Variants in HMGN3 observed in about 807,000 individuals in gnomAD.
HMGN3 encodes high mobility group nucleosomal binding domain 3.
HMGN3 carries 6 observed loss-of-function variants against 18.8 expected under a neutral mutation model. The observed-to-expected ratio is 0.32, with a 90% CI of 0.18 to 0.63. The LOEUF (loss-of-function observed/expected upper bound fraction) is 0.63. Ranked by LOEUF, HMGN3 falls within the 30% of genes least tolerant of loss-of-function variation. HMGN3 has a pLI of 0.79. For synonymous variants in HMGN3, 40 were observed against 36.5 expected, an observed-to-expected ratio of 1.10 and a Z score of -0.35; for missense variants, 107 against 114.2, an observed-to-expected ratio of 0.94 and a Z score of 0.29.
chr6:79,208,926 T>C (rs1021686717), intron 2 of HMGN3, among the ~76,000 whole-genome samples: 2 of 152,222 alleles, frequency 1.3e-5, no homozygotes, highest in African/African-American at 4.8e-5. Context: ...TGAGGTGCTA[T>C]TTAAGAGCTA....
At chr6:79,223,277 C>G (rs759467850) in intron 1 of HMGN3, among the ~76,000 whole-genome samples, 1 of 151,988 alleles carries the variant, frequency 6.6e-6, no homozygotes, top group Non-Finnish European at 1.5e-5. Flanking sequence ...TTTGGGAGGT[C>G]GAGGCAGGCG....
At chr6:79,203,468 A>G (rs1187799846) in intron 4 of HMGN3, 112 bp downstream of exon 4, 3 of 924,058 alleles carry the variant, frequency 3.2e-6, no homozygotes, top group Admixed American at 3.9e-5. Context: ...AACAGTGGTA[A>G]TGGTTTCAGT....
At chr6:79,217,519 C>T (rs1777052042) in intron 1 of HMGN3, among the ~76,000 whole-genome samples, 1 of 152,094 alleles carries the variant, frequency 6.6e-6, no homozygotes, top group African/African-American at 2.4e-5. Flanking sequence ...AGAGGTTATG[C>T]AATAAAAAAG....
chr6:79,208,167 C>T (rs368488163), intron 3 of HMGN3, among the ~76,000 whole-genome samples: 1 of 152,214 alleles, frequency 6.6e-6, no homozygotes, highest in East Asian at 1.9e-4. Context: ...ACTTTCAGAA[C>T]ATTCTCATAC....
rs190268735 is a variant in HMGN3, at chr6:79,201,852, C to A, written c.262-126G>T. 1.0e-3 allele frequency: 1,530 copies of A among 1,465,440 alleles called. 15 individuals are homozygous for A. In the Middle Eastern group the frequency reaches 0.013, roughly 13 times the overall value. 90.8% of individuals were successfully genotyped at this position (1,465,440 alleles called of 1,614,324 possible). ...TTCTTTTTTTTTTCCAGCTTTACTG[C>A]AAAACCTATTTCAACTCTGAGTGAA... On this transcript the variant is annotated intron_variant, in intron 5 of 5. Transcript: ENST00000344726.
intron 1 of HMGN3, among the ~76,000 whole-genome samples, chr6:79,232,091 G>A (rs1319067610): frequency 6.6e-6 from 1 of 152,156 alleles, no homozygotes; most frequent in Non-Finnish European, 1.5e-5. Context: ...GTACTAGGGG[G>A]ACATTTTAAA....
intron 1 of HMGN3, among the ~76,000 whole-genome samples, chr6:79,229,449 T>C (rs1460427126): frequency 6.6e-6 from 1 of 152,206 alleles, no homozygotes; most frequent in Non-Finnish European, 1.5e-5. Flanking sequence ...TTATTGTCAG[T>C]AGTTATTACA....
chr6:79,216,372 G>A (rs544907014), intron 1 of HMGN3, among the ~76,000 whole-genome samples: 2 of 152,262 alleles, frequency 1.3e-5, no homozygotes, highest in South Asian at 4.1e-4. Context: ...TACATGAAAA[G>A]TCCACATAAA....
At chr6:79,234,440 A>C (rs556326288) in intron 1 of HMGN3, 106 bp downstream of exon 1, 7 of 1,055,570 alleles carry the variant, frequency 6.6e-6, no homozygotes, top group Non-Finnish European at 8.7e-6. Context: ...AAGATTCCCA[A>C]TCCCCGGGTT....
chr6:79,201,824 GT>G (rs1776151925), intron 5 of HMGN3, 98 bp from the exon 7 acceptor site: 1 of 1,508,164 alleles, frequency 6.6e-7, no homozygotes, highest in Non-Finnish European at 8.8e-7. Flanking sequence ...TTGAACATTT[GT>G]TTTCTTTTTT....
intron 4 of HMGN3, among the ~76,000 whole-genome samples, chr6:79,203,358 T>G (rs1776247569): frequency 6.6e-6 from 1 of 152,168 alleles, no homozygotes; most frequent in Non-Finnish European, 1.5e-5. Flanking sequence ...ATGAGGCTTC[T>G]CAGAGCAACA....
chr6:79,211,215 G>A (rs1041396776), intron 2 of HMGN3, among the ~76,000 whole-genome samples: 3 of 152,028 alleles, frequency 2.0e-5, no homozygotes, highest in Admixed American at 1.3e-4. Flanking sequence ...AAACAGTGGA[G>A]GCTGAGATGA....
intron 2 of HMGN3, among the ~76,000 whole-genome samples, chr6:79,211,387 CATG>C (rs1349977718): frequency 6.6e-6 from 1 of 151,100 alleles, no homozygotes; most frequent in East Asian, 1.9e-4. Context: ...AAAACACTAA[CATG>C]TGAAGTACTC....
chr6:79,205,781 C>T (rs766092684), intron 3 of HMGN3, among the ~76,000 whole-genome samples: 23 of 152,276 alleles, frequency 1.5e-4, no homozygotes, highest in Admixed American at 3.3e-4. Context: ...AAGTTTGGAA[C>T]TTCCTAGAGA....
rs764908067 is a variant in HMGN3, at chr6:79,203,672, A to G, written c.97-42T>C. On this transcript the variant is annotated intron_variant, in intron 3 of 5. Transcript: ENST00000344726. ...AATTACACAAATACTGAAAAAAAAA[A>G]AAAACTATCAGCACCAAAAGAAACA... 3 of 1,457,300 alleles carry G rather than the reference A, an allele frequency of 2.1e-6. No individual in the cohort carries two copies. The South Asian group carries it at 3.6e-5, about 18-fold the overall frequency. The allele number at this position is 1,457,300 out of a possible 1,614,324, so 90.3% of individuals were successfully genotyped here.
intron 2 of HMGN3, among the ~76,000 whole-genome samples, chr6:79,214,718 G>C (rs1416834831): frequency 1.3e-5 from 2 of 152,142 alleles, no homozygotes; most frequent in Admixed American, 6.5e-5. Context: ...AGAAAGCAGG[G>C]CTGACAGGTA....
chr6:79,217,814 G>C lies in HMGN3; in HGVS notation c.16-2792C>G, dbSNP rs756314551. 4.9e-4 allele frequency among the ~76,000 whole-genome samples: 75 copies of C among 152,314 alleles called. 1 individual carries two copies. Among genetic ancestry groups the C allele is most frequent in the South Asian group, 3.1e-3 (15 of 4,828 alleles). On this transcript the variant is annotated intron_variant, in intron 1 of 5. Coordinates refer to ENST00000344726, the Ensembl canonical transcript of HMGN3. ...GCTTTTTGTGCCAAGGGATTGCGAAGAATAAAAACATAGAAAGGAGGGAAA... is the reference window on the plus strand; with the variant it reads ...GCTTTTTGTGCCAAGGGATTGCGAACAATAAAAACATAGAAAGGAGGGAAA...
chr6:79,219,386 A>G (rs1186912028), intron 1 of HMGN3, among the ~76,000 whole-genome samples: 4 of 152,202 alleles, frequency 2.6e-5, no homozygotes, highest in African/African-American at 9.6e-5. Flanking sequence ...GCCATTTCAG[A>G]ATACAAACAT....
intron 1 of HMGN3, among the ~76,000 whole-genome samples, chr6:79,225,021 T>A (rs909344875): frequency 6.6e-6 from 1 of 152,218 alleles, no homozygotes; most frequent in Non-Finnish European, 1.5e-5. Context: ...AGTCAGAATA[T>A]AGTTTGTTAA....
Sources: allele counts gnomAD v4.1 joint callset (sites outside exome capture counted in the v4.1 genomes callset), GRCh38; gene constraint gnomAD v4.1.1; transcripts MANE v1.5; gene names NCBI Gene and HGNC (gene_info 2026-07-23, HGNC 2026-07-21).